Variants in ANGPT2 observed in about 807,000 individuals in gnomAD.
ANGPT2 encodes the protein angiopoietin-2.
Under a neutral mutation model 62.9 loss-of-function variants are expected in ANGPT2, and 28 were observed. The observed-to-expected ratio is 0.44, with a 90% CI of 0.33 to 0.61. ANGPT2 has a LOEUF of 0.61. Among genes scored for constraint, ANGPT2 ranks in the 20% least tolerant of loss-of-function variants. The pLI, the probability that ANGPT2 is intolerant of heterozygous loss-of-function variation, is 0.03. For synonymous variants in ANGPT2, 284 were observed against 207.8 expected, an observed-to-expected ratio of 1.37 and a Z score of -3.15; for missense variants, 727 against 594.9, an observed-to-expected ratio of 1.22 and a Z score of -2.31.
At chr8:6,506,419 C>T (rs1044806635) in intron 8 of ANGPT2, among the ~76,000 whole-genome samples, 32 of 152,114 alleles carry the variant, frequency 2.1e-4, no homozygotes, top group African/African-American at 7.5e-4. Flanking sequence ...GTCCCTAAAT[C>T]TTGATTTGCC....
At chr8:6,522,679 C>G (rs1586338423) in intron 3 of ANGPT2, among the ~76,000 whole-genome samples, 1 of 151,336 alleles carries the variant, frequency 6.6e-6, no homozygotes, top group South Asian at 2.1e-4. Context: ...GAGGCTGAGG[C>G]AGGAGAACTG....
chr8:6,555,641 T>C (rs1343393862), intron 1 of ANGPT2, among the ~76,000 whole-genome samples: 2 of 152,094 alleles, frequency 1.3e-5, no homozygotes, highest in South Asian at 4.1e-4. Context: ...TTTATATTTT[T>C]TGGTAGAGAC....
At chr8:6,534,981 TC>T (rs1820229762) in intron 1 of ANGPT2, among the ~76,000 whole-genome samples, 1 of 152,192 alleles carries the variant, frequency 6.6e-6, no homozygotes, top group African/African-American at 2.4e-5. Flanking sequence ...TCTTAGTTAC[TC>T]CTCACAGCAC....
Position 6,562,634 on chromosome 8 carries a change from A to AT in ANGPT2, c.288+12dup, listed in dbSNP as rs748140296. The AT allele has an allele frequency of 3.5e-5, 52 of 1,496,062 alleles. 1 individual carries two copies. Among genetic ancestry groups the AT allele is most frequent in the South Asian group, 1.9e-4 (15 of 81,054 alleles). 92.7% of individuals were successfully genotyped at this position (1,496,062 alleles called of 1,614,324 possible). ...ATAGCATGTTCACAAAGACAGATGG[A>AT]TTTTTTTCCTACCTTCATTAGCCAC... On this transcript the variant is annotated intron_variant, in intron 1 of 8. Transcript: ENST00000629816.
chr8:6,516,129 A>G (rs1024405513), intron 5 of ANGPT2, among the ~76,000 whole-genome samples: 2 of 152,210 alleles, frequency 1.3e-5, no homozygotes, highest in Non-Finnish European at 2.9e-5. Context: ...AATGAAAGTT[A>G]CATTTATTAA....
In ANGPT2 at chr8:6,546,584, G is replaced by T. The variant is rs139340584; in HGVS notation, c.289-14097C>A. On this transcript the variant is annotated intron_variant, in intron 1 of 8. Coordinates refer to ENST00000629816, the MANE Select transcript of ANGPT2 (RefSeq NM_001118887.2). Reference sequence around the variant, plus strand: ...ATATGTATATTGGTATTTTCAAATAGCTACTAAATTGTCAGAACATAAATA... The same window carrying T: ...ATATGTATATTGGTATTTTCAAATATCTACTAAATTGTCAGAACATAAATA... Among the ~76,000 whole-genome samples, 492 of 152,172 alleles carry T rather than the reference G, an allele frequency of 3.2e-3. 7 individuals are homozygous for T. The highest frequency in any genetic ancestry group is 0.011 in the African/African-American group (474 of 41,512).
intron 1 of ANGPT2, among the ~76,000 whole-genome samples, chr8:6,558,349 CT>C (rs1231645141): frequency 6.6e-6 from 1 of 152,150 alleles, no homozygotes; most frequent in East Asian, 1.9e-4. Flanking sequence ...CCATATCTTA[CT>C]TTCATAACAT....
rs151193912 is a variant in ANGPT2 at position 6,532,535 on chromosome 8, A to G, written c.289-48T>C. 2.0e-3 allele frequency: 2,926 copies of G among 1,443,428 alleles called. 7 individuals are homozygous for G. The highest frequency in any genetic ancestry group is 2.5e-3 in the Non-Finnish European group (2,735 of 1,077,476). 89.4% of individuals were successfully genotyped at this position (1,443,428 alleles called of 1,614,324 possible). On this transcript the variant is annotated intron_variant, in intron 1 of 8. Coordinates refer to ENST00000629816, the MANE Select transcript of ANGPT2 (RefSeq NM_001118887.2). Reference sequence around the variant, plus strand: ...GGCAGTCATTAGTCAAATGACCGGAAACCTGATTCCTAAATGTTTGTCGTC... The same window carrying G: ...GGCAGTCATTAGTCAAATGACCGGAGACCTGATTCCTAAATGTTTGTCGTC...
intron 4 of ANGPT2, 85 bp from the exon 5 acceptor site, chr8:6,520,076 G>A: frequency 6.7e-7 from 1 of 1,487,998 alleles, no homozygotes; most frequent in Non-Finnish European, 9.1e-7. Flanking sequence ...CATTTGGTGA[G>A]TTTTATTACT....
At chr8:6,536,652 C>T (rs1820553853) in intron 1 of ANGPT2, among the ~76,000 whole-genome samples, 1 of 152,018 alleles carries the variant, frequency 6.6e-6, no homozygotes, top group Non-Finnish European at 1.5e-5. Flanking sequence ...TATGGATGTC[C>T]ATCATATAGT....
intron 3 of ANGPT2, among the ~76,000 whole-genome samples, chr8:6,523,594 T>C (rs551153156): frequency 6.6e-6 from 1 of 152,258 alleles, no homozygotes; most frequent in Admixed American, 6.5e-5. Context: ...TTTTGTTTTT[T>C]GTTTTGAGAT....
In ANGPT2 at chr8:6,508,962, T is replaced by C. The variant is rs1814362251; in HGVS notation, c.1297A>G (p.Ile433Val). The C allele has an allele frequency of 2.5e-6, 4 of 1,614,160 alleles. No individual in the cohort carries two copies. The Admixed American group carries it at 6.7e-5, about 27-fold the overall frequency. ...STKDGDNDKC[I>V]CKCSQMLTGG... ...GTTAGCATTTGTGAACATTTGCAAA[T>C]ACATTTGTCGTTGTCTCCATCCTTT... The change falls in exon 8 of 9, where the codon ATT becomes GTT. Residue 433 changes from isoleucine to valine, a missense_variant. Transcript: ENST00000629816.
At chr8:6,529,696 C>G (rs1819083265) in intron 2 of ANGPT2, among the ~76,000 whole-genome samples, 1 of 144,420 alleles carries the variant, frequency 6.9e-6, no homozygotes, top group Non-Finnish European at 1.5e-5. Flanking sequence ...GACTCCTGAT[C>G]TCAAGCGATC....
chr8:6,529,222 G>A (rs59017488), intron 2 of ANGPT2, among the ~76,000 whole-genome samples: 3,418 of 152,242 alleles, frequency 0.022, 103 homozygotes, highest in African/African-American at 0.069. Flanking sequence ...ACCCAGGCCA[G>A]GTATTGATCT....
At chr8:6,528,623 G>C (rs1025392181) in intron 2 of ANGPT2, among the ~76,000 whole-genome samples, 1 of 152,274 alleles carries the variant, frequency 6.6e-6, no homozygotes, top group African/African-American at 2.4e-5. Flanking sequence ...CGTGGCATGA[G>C]CAGTGCGGCT....
intron 8 of ANGPT2, among the ~76,000 whole-genome samples, chr8:6,505,282 A>ATTCT (rs1296464940): frequency 7.9e-4 from 21 of 26,634 alleles, no homozygotes; most frequent in East Asian, 1.7e-3. Flanking sequence ...GTATACATAT[A>ATTCT]TATGTTATAT....
chr8:6,526,889 TC>T (rs1248135073), intron 3 of ANGPT2, among the ~76,000 whole-genome samples: 1 of 152,190 alleles, frequency 6.6e-6, no homozygotes, highest in Admixed American at 6.5e-5. Context: ...CAATTTTTTT[TC>T]TATTGTTGAT....
At chr8:6,562,534 A>C in intron 1 of ANGPT2, 113 bp downstream of exon 1, 7 of 706,240 alleles carry the variant, frequency 9.9e-6, no homozygotes, top group Non-Finnish European at 1.2e-5. Context: ...TCCAGCTCTA[A>C]TCCTCTTCAT....
intron 1 of ANGPT2, among the ~76,000 whole-genome samples, chr8:6,536,244 G>C (rs1231104574): frequency 6.6e-6 from 1 of 152,096 alleles, no homozygotes; most frequent in African/African-American, 2.4e-5. Context: ...GGTAGGTACT[G>C]TTTCTTGGTT....
Sources: allele counts gnomAD v4.1 joint callset (sites outside exome capture counted in the v4.1 genomes callset), GRCh38; gene constraint gnomAD v4.1.1; transcripts MANE v1.5; gene names NCBI Gene and HGNC (gene_info 2026-07-23, HGNC 2026-07-21).